The following LIPA variants were observed in gnomAD, a reference collection of about 807,000 sequenced individuals.
LIPA encodes lysosomal acid lipase/cholesteryl ester hydrolase.
A neutral mutation model predicts 40.6 loss-of-function variants in LIPA; 26 were observed. The observed-to-expected ratio is 0.64, with a 90% CI of 0.47 to 0.89. The LOEUF (loss-of-function observed/expected upper bound fraction) is 0.89. LIPA is among the 40% of genes least tolerant of loss of function. The probability of loss-of-function intolerance (pLI) is 0.00; values close to 1 mark genes in which losing one functional copy is unlikely to be tolerated. For missense variants in LIPA, 455 were observed against 479.6 expected, an observed-to-expected ratio of 0.95 and a Z score of 0.48; for synonymous variants, 188 against 168.4, an observed-to-expected ratio of 1.12 and a Z score of -0.90.
In LIPA at chr10:89,251,409, C is replaced by A. The variant is rs189377294; in HGVS notation, c.-2+328G>T. 2.1e-3 allele frequency among the ~76,000 whole-genome samples: 316 copies of A among 152,350 alleles called. 2 individuals carry two copies. Among genetic ancestry groups the A allele is most frequent in the African/African-American group, 7.1e-3 (294 of 41,574 alleles). ...CGAGGATGCAGAGAGAGGAATCAGACATCCCTGCTGTCCTCGCGGTCCAGG... is the reference window on the plus strand; with the variant it reads ...CGAGGATGCAGAGAGAGGAATCAGAAATCCCTGCTGTCCTCGCGGTCCAGG... On this transcript the variant is annotated intron_variant, in intron 1 of 9. Transcript: ENST00000336233.
intron 2 of LIPA, among the ~76,000 whole-genome samples, chr10:89,349,835 T>C (rs945145711): frequency 1.3e-5 from 2 of 152,174 alleles, no homozygotes; most frequent in African/African-American, 4.8e-5. Flanking sequence ...AAGAATTATT[T>C]TGAGTTAAAG....
chr10:89,338,909 A>T, intron 1 of LIPA: 1 of 1,614,192 alleles, frequency 6.2e-7, no homozygotes, highest in Non-Finnish European at 8.5e-7. Flanking sequence ...CAGCAAGAAC[A>T]TGCTGACCAA....
chr10:89,250,226 A>G (rs915651377), intron 1 of LIPA, among the ~76,000 whole-genome samples: 1 of 150,926 alleles, frequency 6.6e-6, no homozygotes, highest in African/African-American at 2.4e-5. Flanking sequence ...CAGCCTCCCA[A>G]GTAGCTGGGA....
Position 89,328,219 on chromosome 10 carries a change from A to T in LIPA, c.-2+14392T>A, listed in dbSNP as rs1843617847. On this transcript the variant is annotated intron_variant, in intron 1 of 5. Coordinates refer to the LIPA transcript ENST00000282673. ...CTTTATCAGTCTGAGCATTTGTAAG[A>T]TGTTTGAGGGGTTTTTCCCTGTGGC... 3 of 898,590 alleles carry T rather than the reference A, an allele frequency of 3.3e-6. No individual in the cohort carries two copies. The South Asian group carries it at 4.6e-5, about 14-fold the overall frequency. 55.7% of individuals were successfully genotyped at this position (898,590 alleles called of 1,614,324 possible). A position where few individuals can be genotyped will look rare whatever the true frequency, so the allele number is the denominator to read the frequency against.
At position 89,223,722 on chromosome 10, in the gene LIPA, A is replaced by G; in HGVS notation, c.784T>C (p.Phe262Leu). 6.2e-7 allele frequency: 1 copy of G among 1,613,624 alleles called. No homozygotes were observed. Among genetic ancestry groups the G allele is most frequent in the South Asian group, 1.1e-5 (1 of 91,082 alleles). ...CTCTCATTAAATCCACACAGAAGAA[A>G]ACAGAGATTTCCACAGAGCTCCTTC... ...ILKELCGNLC[F>L]LLCGFNERNL... The change falls in exon 7 of 10, where the codon TTT (phenylalanine) becomes CTT (leucine). Residue 262 changes from phenylalanine (F) to leucine (L), a missense_variant. By Grantham distance (22) the Phe-to-Leu change is conservative (BLOSUM62 0). Transcript: ENST00000336233.
At chr10:89,296,389 G>C (rs566780080) in intron 1 of LIPA, among the ~76,000 whole-genome samples, 1 of 151,852 alleles carries the variant, frequency 6.6e-6, no homozygotes, top group African/African-American at 2.4e-5. Flanking sequence ...CTACTTGGGA[G>C]GGTGAGGCAC....
chr10:89,383,856 C>G (rs746271112), intron 2 of LIPA: 4 of 1,614,052 alleles, frequency 2.5e-6, no homozygotes, highest in East Asian at 4.5e-5. Flanking sequence ...ATACTGGGTA[C>G]GCAATCACCG....
rs1344450079 is a variant in LIPA, at chr10:89,214,617, C to T, written c.*211G>A. 5 of 536,644 alleles carry T rather than the reference C, an allele frequency of 9.3e-6. No individual in the cohort carries two copies. The highest frequency in any genetic ancestry group is 1.7e-5 in the Non-Finnish European group (5 of 301,178). 33.2% of individuals were successfully genotyped at this position (536,644 alleles called of 1,614,324 possible). On this transcript the variant is annotated 3_prime_UTR_variant, in exon 10 of 10. Transcript: ENST00000336233. Reference sequence around the variant, plus strand: ...GACAATACTATGGTTGAGACACTGGCTTCCTATTCCAGCCCTAATTAAAGA... The same window carrying T: ...GACAATACTATGGTTGAGACACTGGTTTCCTATTCCAGCCCTAATTAAAGA...
chr10:89,365,467 T>G (rs1345870939), intron 2 of LIPA, among the ~76,000 whole-genome samples: 1 of 152,242 alleles, frequency 6.6e-6, no homozygotes, highest in African/African-American at 2.4e-5. Context: ...AGATCCCATT[T>G]GTCAATTTTG....
At chr10:89,375,088 C>T (rs971285751) in intron 2 of LIPA, among the ~76,000 whole-genome samples, 1 of 152,254 alleles carries the variant, frequency 6.6e-6, no homozygotes, top group Admixed American at 6.5e-5. Context: ...TTGTCCCACA[C>T]TGTGAAAGCA....
intron 1 of LIPA, chr10:89,308,596 T>G (rs919516634): frequency 4.6e-5 from 7 of 152,196 alleles, no homozygotes; most frequent in Non-Finnish European, 1.0e-4. Context: ...AGGTAGATGC[T>G]GAATAGCCTA....
intron 1 of LIPA, among the ~76,000 whole-genome samples, chr10:89,265,236 G>T (rs1408001839): frequency 6.6e-6 from 1 of 152,096 alleles, no homozygotes; most frequent in Non-Finnish European, 1.5e-5. Context: ...GGGGCCATGG[G>T]GTCCTGGGCC....
intron 2 of LIPA, among the ~76,000 whole-genome samples, chr10:89,381,513 T>C (rs1417155150): frequency 1.3e-5 from 2 of 152,132 alleles, no homozygotes; most frequent in Non-Finnish European, 2.9e-5. Context: ...AGTCCTATCC[T>C]AAAGCAATAT....
chr10:89,224,975 T>C (rs1225140293), intron 6 of LIPA, 117 bp downstream of exon 6: 1 of 1,301,492 alleles, frequency 7.7e-7, no homozygotes, highest in Non-Finnish European at 1.1e-6. Context: ...AGCCCACTGC[T>C]CCACTGATAT....
chr10:89,309,588 C>A (rs532513766), intron 1 of LIPA, among the ~76,000 whole-genome samples: 1 of 152,146 alleles, frequency 6.6e-6, no homozygotes, highest in South Asian at 2.1e-4. Flanking sequence ...GAGAGAGGAC[C>A]CTTGGTACCT....
intron 1 of LIPA, among the ~76,000 whole-genome samples, chr10:89,285,799 G>A (rs1304457671): frequency 1.3e-5 from 2 of 149,832 alleles, no homozygotes; most frequent in Non-Finnish European, 3.0e-5. Flanking sequence ...CACTTCCCTG[G>A]GGGACAAACA....
chr10:89,254,776 T>C (rs556537242), upstream of LIPA, among the ~76,000 whole-genome samples: 1 of 152,354 alleles, frequency 6.6e-6, no homozygotes, highest in Non-Finnish European at 1.5e-5. Flanking sequence ...TTCAATGTTT[T>C]ACTGCTTAGA....
intron 1 of LIPA, chr10:89,314,737 G>A (rs1387067842): frequency 6.6e-6 from 1 of 152,194 alleles, no homozygotes; most frequent in Non-Finnish European, 1.5e-5. Context: ...TGCAACTGTT[G>A]CAAATACTGC....
intron 1 of LIPA, among the ~76,000 whole-genome samples, chr10:89,270,714 A>G (rs1178939232): frequency 6.6e-6 from 1 of 152,224 alleles, no homozygotes; most frequent in Non-Finnish European, 1.5e-5. Flanking sequence ...CAACAGCTCT[A>G]AGCTAAAGGC....
Sources: allele counts gnomAD v4.1 joint callset (sites outside exome capture counted in the v4.1 genomes callset), GRCh38; gene constraint gnomAD v4.1.1; transcripts MANE v1.5; gene names NCBI Gene and HGNC (gene_info 2026-07-23, HGNC 2026-07-21).